NAA11: variants seen among roughly 807,000 people sequenced by gnomAD.
NAA11 encodes the protein N-alpha-acetyltransferase 11.
Under a neutral mutation model 16.1 loss-of-function variants are expected in NAA11, and 15 were observed. The ratio of observed to expected loss-of-function variants is 0.93; its 90% CI spans 0.62 to 1.44. The LOEUF is 1.44. Ranked by LOEUF, NAA11 falls within the 40% of genes most tolerant of loss-of-function variation. The pLI is 0.00. For missense variants in NAA11, 298 were observed against 291.3 expected (o/e 1.02, Z -0.17); for synonymous variants, 122 against 112.4 (o/e 1.09, Z -0.54).
downstream of NAA11, among the ~76,000 whole-genome samples, chr4:79,315,467 T>C (rs963138261): frequency 1.3e-5 from 2 of 152,184 alleles, no homozygotes; most frequent in African/African-American, 4.8e-5. Flanking sequence ...ATTCACAAGT[T>C]TTCCTCTTTT....
At chr4:79,319,801 A>G (rs541978727) in intron 1 of NAA11, among the ~76,000 whole-genome samples, 39 of 152,352 alleles carry the variant, frequency 2.6e-4, no homozygotes, top group African/African-American at 9.4e-4. Flanking sequence ...GTAAGGTTAT[A>G]CTACGAATTT....
At chr4:79,284,507 C>A (rs1442580471) in intron 2 of NAA11, among the ~76,000 whole-genome samples, 2 of 152,038 alleles carry the variant, frequency 1.3e-5, no homozygotes, top group Non-Finnish European at 2.9e-5. Context: ...CATTAGTCAT[C>A]ATAGGTAACA....
In NAA11 at chr4:79,242,729, C is replaced by A. The variant is rs571831211; in HGVS notation, c.*123-16459G>T. On this transcript the variant is annotated intron_variant and NMD_transcript_variant, in intron 2 of 2. Coordinates refer to the NAA11 transcript ENST00000511542. Reference sequence around the variant, plus strand: ...GTATGAACAAGAGAAGATATTTTATCCCAAATATTTTAGGGATTTTATTAT... The same window carrying A: ...GTATGAACAAGAGAAGATATTTTATACCAAATATTTTAGGGATTTTATTAT... Among the ~76,000 whole-genome samples, 118 of 152,284 alleles carry A rather than the reference C, an allele frequency of 7.7e-4. 1 individual carries two copies. Among genetic ancestry groups the A allele is most frequent in the Non-Finnish European group, 1.3e-3 (87 of 68,024 alleles).
intron 2 of NAA11, among the ~76,000 whole-genome samples, chr4:79,256,296 A>G (rs914828565): frequency 1.3e-5 from 2 of 152,094 alleles, no homozygotes; most frequent in Admixed American, 1.3e-4. Context: ...GAACTACAGT[A>G]ATTTCTCCTG....
intron 1 of NAA11, among the ~76,000 whole-genome samples, chr4:79,321,946 A>C (rs886679540): frequency 1.3e-5 from 2 of 152,196 alleles, no homozygotes; most frequent in Admixed American, 6.5e-5. Context: ...ACAGAAAATT[A>C]AGAATCCCTG....
At chr4:79,207,461 C>A in the NAA11 span, among the ~76,000 whole-genome samples, 2 of 150,730 alleles carry the variant, frequency 1.3e-5, no homozygotes, top group Non-Finnish European at 3.0e-5. Context: ...CTTTCAATTG[C>A]ATGCACACAA....
At chr4:79,285,103 G>T (rs957818455) in intron 2 of NAA11, among the ~76,000 whole-genome samples, 2 of 152,032 alleles carry the variant, frequency 1.3e-5, no homozygotes, top group African/African-American at 4.8e-5. Context: ...GTTGCAAGTT[G>T]CTTTTACGCT....
At chr4:79,276,390 A>G (rs1722644551) in intron 2 of NAA11, among the ~76,000 whole-genome samples, 1 of 152,102 alleles carries the variant, frequency 6.6e-6, no homozygotes, top group Non-Finnish European at 1.5e-5. Flanking sequence ...GCCTGGAGTA[A>G]TAAGTCTTAC....
At chr4:79,309,778 C>G (rs1160468741) in intron 1 of NAA11, among the ~76,000 whole-genome samples, 1 of 132,562 alleles carries the variant, frequency 7.5e-6, no homozygotes, top group Non-Finnish European at 1.5e-5. Context: ...TGCAGTGGCA[C>G]AATCTCGGCT....
At position 79,268,244 on chromosome 4, in the gene NAA11, A is replaced by G. The variant is rs1409008262; in HGVS notation, c.*122+25761T>C. On this transcript the variant is annotated intron_variant and NMD_transcript_variant, in intron 2 of 2. Transcript: ENST00000511542. ...AACTTAGGGATGGCCTTACATATCA[A>G]TAGAATAATCAGTAGTTTATTTAAC... 9.9e-5 allele frequency among the ~76,000 whole-genome samples: 15 copies of G among 152,198 alleles called. No homozygotes were observed. In the East Asian group the frequency reaches 2.3e-3, roughly 23 times the overall value.
the NAA11 span, among the ~76,000 whole-genome samples, chr4:79,165,970 A>C: frequency 2.0e-5 from 2 of 97,860 alleles, no homozygotes; most frequent in Non-Finnish European, 5.0e-5. Flanking sequence ...CTTTTCTTTT[A>C]TTTAGGAAGC....
chr4:79,265,763 T>G (rs78033443), intron 2 of NAA11, among the ~76,000 whole-genome samples: 74 of 125,338 alleles, frequency 5.9e-4, no homozygotes, highest in African/African-American at 1.1e-3. Context: ...AGATTCTGTG[T>G]TTTTTTTTGT....
At chr4:79,320,329 GAGA>G (rs1472060005) in intron 1 of NAA11, among the ~76,000 whole-genome samples, 3 of 152,148 alleles carry the variant, frequency 2.0e-5, no homozygotes, top group Admixed American at 6.5e-5. Context: ...GATTACCGTG[GAGA>G]AGAAGAGAAC....
At chr4:79,165,770 C>A in the NAA11 span, among the ~76,000 whole-genome samples, 3 of 152,116 alleles carry the variant, frequency 2.0e-5, no homozygotes, top group Non-Finnish European at 4.4e-5. Flanking sequence ...ATTTTACAAT[C>A]CTGAAGGTAG....
At chr4:79,316,645 ACT>A (rs1271466186) in exon 2 of NAA11, 1 of 152,196 alleles carries the variant, frequency 6.6e-6, no homozygotes, top group Non-Finnish European at 1.5e-5. Context: ...AGTAATGATA[ACT>A]CTGGATTTAT....
the NAA11 span, among the ~76,000 whole-genome samples, chr4:79,212,264 C>T: frequency 6.6e-6 from 1 of 152,108 alleles, no homozygotes; most frequent in East Asian, 1.9e-4. Context: ...TTGAAATGCT[C>T]CATTAAAATA....
At chr4:79,200,059 T>C in the NAA11 span, among the ~76,000 whole-genome samples, 1 of 151,788 alleles carries the variant, frequency 6.6e-6, no homozygotes, top group Non-Finnish European at 1.5e-5. Flanking sequence ...AAATATTTAT[T>C]CAAATATTTA....
chr4:79,218,191 A>AC, the NAA11 span, among the ~76,000 whole-genome samples: 1 of 152,158 alleles, frequency 6.6e-6, no homozygotes. Flanking sequence ...GAGAATACAG[A>AC]TCAGTATCAT....
intron 2 of NAA11, among the ~76,000 whole-genome samples, chr4:79,271,778 A>G (rs1164478322): frequency 6.6e-6 from 1 of 152,028 alleles, no homozygotes; most frequent in Non-Finnish European, 1.5e-5. Context: ...CATTTGGCTA[A>G]TGAAGTGAAA....
Sources: allele counts gnomAD v4.1 joint callset (sites outside exome capture counted in the v4.1 genomes callset), GRCh38; gene constraint gnomAD v4.1.1; transcripts MANE v1.5; gene names NCBI Gene and HGNC (gene_info 2026-07-23, HGNC 2026-07-21).